OCIAD1: variants seen among roughly 807,000 people sequenced by gnomAD.
The protein encoded by OCIAD1 is OCIA domain containing 1.
A neutral mutation model predicts 38.9 loss-of-function variants in OCIAD1; 29 were observed. The ratio of observed to expected loss-of-function variants is 0.74; its 90% CI spans 0.55 to 1.02. The LOEUF is 1.02. Ranked by LOEUF, OCIAD1 falls within the 50% of genes least tolerant of loss-of-function variation. OCIAD1 has a pLI of 0.00. For synonymous variants in OCIAD1, 110 were observed against 92.0 expected (o/e 1.20, Z -1.12); for missense variants, 288 against 289.6 (o/e 0.99, Z 0.04).
intron 1 of OCIAD1, among the ~76,000 whole-genome samples, chr4:48,812,955 A>C (rs1777106199): frequency 6.6e-6 from 1 of 152,186 alleles, no homozygotes; most frequent in Non-Finnish European, 1.5e-5. Flanking sequence ...TACCTTGAGT[A>C]GGTGAGAGAG....
At chr4:48,823,816 A>G (rs1228746664) in intron 1 of OCIAD1, among the ~76,000 whole-genome samples, 34 of 128,250 alleles carry the variant, frequency 2.7e-4, no homozygotes, top group Non-Finnish European at 4.4e-4. Flanking sequence ...GGGTGCCACA[A>G]TGCCTGGCTT....
rs1441593805 is a variant in OCIAD1, at chr4:48,819,775, A to ATCC, written c.-102-10802_-102-10801insTCC. Among the ~76,000 whole-genome samples, 5 of 145,748 alleles carry ATCC rather than the reference A, an allele frequency of 3.4e-5. No homozygotes were observed. In the East Asian group the frequency reaches 8.2e-4, roughly 24 times the overall value. On this transcript the variant is annotated intron_variant, in intron 1 of 6. Coordinates refer to the OCIAD1 transcript ENST00000504654. ...GGTTGCAATCCCAGTCTCTGATAAA[A>ATCC]CAGACTTTAAACCAACAAAGATAAA...
At chr4:48,812,472 G>A (rs1312508586) in intron 1 of OCIAD1, among the ~76,000 whole-genome samples, 33 of 151,524 alleles carry the variant, frequency 2.2e-4, no homozygotes, top group Admixed American at 2.2e-3. Flanking sequence ...GAAAGAACCA[G>A]CAAAGGAAAC....
At chr4:48,825,283 T>C (rs1019522611) in intron 1 of OCIAD1, among the ~76,000 whole-genome samples, 1 of 152,176 alleles carries the variant, frequency 6.6e-6, no homozygotes, top group Non-Finnish European at 1.5e-5. Context: ...CACCTTGGGA[T>C]TCCTGCCATC....
chr4:48,825,900 C>A (rs188857451), intron 1 of OCIAD1, among the ~76,000 whole-genome samples: 1 of 151,828 alleles, frequency 6.6e-6, no homozygotes, highest in Non-Finnish European at 1.5e-5. Context: ...TGCAGTAGTA[C>A]AATCTTGGCT....
intron 1 of OCIAD1, among the ~76,000 whole-genome samples, chr4:48,810,424 G>A (rs1440940472): frequency 7.3e-6 from 1 of 136,300 alleles, no homozygotes; most frequent in Non-Finnish European, 1.5e-5. Flanking sequence ...AGCCAAGATC[G>A]CACCACTGCA....
intron 1 of OCIAD1, chr4:48,831,594 A>G (rs1777505357): frequency 1.6e-6 from 2 of 1,269,032 alleles, no homozygotes; most frequent in Non-Finnish European, 2.1e-6. Flanking sequence ...AAGAACTTAA[A>G]ATGGTATTGT....
chr4:48,841,563 A>G (rs1414641919), intron 3 of OCIAD1, among the ~76,000 whole-genome samples: 4 of 152,154 alleles, frequency 2.6e-5, no homozygotes, highest in Non-Finnish European at 4.4e-5. Flanking sequence ...CCTAACAGGT[A>G]CCAAAATTCC....
chr4:48,838,175 G>T (rs1256253131), intron 3 of OCIAD1, among the ~76,000 whole-genome samples: 3 of 152,112 alleles, frequency 2.0e-5, no homozygotes, highest in Admixed American at 2.0e-4. Context: ...AAAATTAGCT[G>T]AGCATGGTGG....
At chr4:48,808,771 A>G (rs569794240) in intron 1 of OCIAD1, among the ~76,000 whole-genome samples, 1 of 152,332 alleles carries the variant, frequency 6.6e-6, no homozygotes, top group South Asian at 2.1e-4. Flanking sequence ...GTATTCTATT[A>G]TAGCAGCACA....
At chr4:48,810,107 C>T (rs932311245) in intron 1 of OCIAD1, among the ~76,000 whole-genome samples, 10 of 151,910 alleles carry the variant, frequency 6.6e-5, no homozygotes, top group East Asian at 1.9e-4. Context: ...CTGGTGCTTG[C>T]GAAATATTAG....
intron 3 of OCIAD1, among the ~76,000 whole-genome samples, chr4:48,834,810 A>G (rs1311062828): frequency 6.6e-6 from 1 of 152,200 alleles, no homozygotes; most frequent in African/African-American, 2.4e-5. Flanking sequence ...AACTTAAGCC[A>G]TTAAGGAGGA....
chr4:48,808,688 T>A (rs1431516635), intron 1 of OCIAD1, among the ~76,000 whole-genome samples: 2 of 152,182 alleles, frequency 1.3e-5, no homozygotes, highest in African/African-American at 4.8e-5. Flanking sequence ...TGCTGGTGCA[T>A]TGATCTTGGA....
chr4:48,835,697 A>G (rs1232853352), intron 3 of OCIAD1, among the ~76,000 whole-genome samples: 1 of 151,980 alleles, frequency 6.6e-6, no homozygotes, highest in Non-Finnish European at 1.5e-5. Context: ...GGCCTCCCCA[A>G]ATGGTGGAAT....
At chr4:48,832,550 T>C (rs754665938) in intron 1 of OCIAD1, 70 bp from the exon 2 acceptor site, 2 of 1,126,262 alleles carry the variant, frequency 1.8e-6, no homozygotes, top group Non-Finnish European at 1.4e-6. Context: ...TACTATATCA[T>C]ACGTCTTGAT....
chr4:48,851,201 T>G (rs1779425194), intron 6 of OCIAD1, among the ~76,000 whole-genome samples: 1 of 152,234 alleles, frequency 6.6e-6, no homozygotes, highest in African/African-American at 2.4e-5. Context: ...TAGACCTGAT[T>G]TAAAGTGCTT....
chr4:48,860,641 CTT>C (rs1454546259), intron 8 of OCIAD1, 82 bp from the exon 9 acceptor site: 1 of 1,043,594 alleles, frequency 9.6e-7, no homozygotes, highest in Admixed American at 1.8e-5. Context: ...AGAAACATAA[CTT>C]TTCATCATAG....
At chr4:48,853,137 C>G (rs2109602144) in intron 7 of OCIAD1, among the ~76,000 whole-genome samples, 1 of 152,008 alleles carries the variant, frequency 6.6e-6, no homozygotes, top group South Asian at 2.1e-4. Context: ...CCTCGGCCTC[C>G]CAAAGTGCTG....
At chr4:48,831,532 GTAATCAGCGGTTGTAGGCCGCTTAGGCTT>G in intron 1 of OCIAD1, 4 of 1,290,828 alleles carry the variant, frequency 3.1e-6, no homozygotes, top group Non-Finnish European at 4.0e-6. Context: ...ATGGAGTGCG[GTAATCAGCGGTTGTAGGCCGCTTAGGCTT>G]TAATCCAGCG....
Sources: allele counts gnomAD v4.1 joint callset (sites outside exome capture counted in the v4.1 genomes callset), GRCh38; gene constraint gnomAD v4.1.1; transcripts MANE v1.5; gene names NCBI Gene and HGNC (gene_info 2026-07-23, HGNC 2026-07-21).